Variants in DIAPH3 observed in about 807,000 individuals in gnomAD.
The protein encoded by DIAPH3 is protein diaphanous homolog 3.
DIAPH3 carries 117 observed loss-of-function variants against 144.3 expected under a neutral mutation model. The ratio of observed to expected loss-of-function variants is 0.81; its 90% CI spans 0.70 to 0.95. The LOEUF (loss-of-function observed/expected upper bound fraction) is 0.95. Ranked by LOEUF, DIAPH3 falls within the 40% of genes least tolerant of loss-of-function variation. The probability of loss-of-function intolerance (pLI) is 0.00; values close to 1 mark genes in which losing one functional copy is unlikely to be tolerated. For missense variants in DIAPH3, 1,421 were observed against 1,412.7 expected, an observed-to-expected ratio of 1.01 and a Z score of -0.09; for synonymous variants, 519 against 488.9, an observed-to-expected ratio of 1.06 and a Z score of -0.81.
intron 20 of DIAPH3, among the ~76,000 whole-genome samples, chr13:59,884,900 A>C (rs1408543013): frequency 6.6e-6 from 1 of 152,150 alleles, no homozygotes; most frequent in Non-Finnish European, 1.5e-5. Flanking sequence ...AAAGTTATTT[A>C]AGAAAACTAT....
chr13:59,693,417 T>C (rs1288248099), intron 27 of DIAPH3, among the ~76,000 whole-genome samples: 1 of 152,214 alleles, frequency 6.6e-6, no homozygotes, highest in Non-Finnish European at 1.5e-5. Flanking sequence ...CTTTGTCTGA[T>C]TCTGATTGTC....
chr13:59,924,600 T>C (rs1334720774), intron 18 of DIAPH3, among the ~76,000 whole-genome samples, 175 bp downstream of exon 18: 1 of 151,966 alleles, frequency 6.6e-6, no homozygotes, highest in Non-Finnish European at 1.5e-5. Context: ...TATGCACTTA[T>C]CTTTTGAAGC....
chr13:59,909,363 T>C (rs2046885390), intron 20 of DIAPH3, among the ~76,000 whole-genome samples: 1 of 150,530 alleles, frequency 6.6e-6, no homozygotes, highest in Non-Finnish European at 1.5e-5. Context: ...TTTTGGTTAA[T>C]TATCAAGGAT....
chr13:59,956,323 G>A lies in DIAPH3; in HGVS notation c.2074+13621C>T, dbSNP rs1566570059. 9.2e-5 allele frequency among the ~76,000 whole-genome samples: 14 copies of A among 152,318 alleles called. No homozygotes were observed. The South Asian group carries it at 2.9e-3, about 32-fold the overall frequency. ...AAAATGATTTCGTAGGCGGGCCAGG[G>A]CCTTGCTGCTTTATGCAGTCTCGGG... On this transcript the variant is annotated intron_variant, in intron 17 of 27. Transcript: ENST00000400324.
At chr13:59,714,290 G>A (rs999114115) in intron 27 of DIAPH3, among the ~76,000 whole-genome samples, 2 of 149,804 alleles carry the variant, frequency 1.3e-5, no homozygotes, top group African/African-American at 2.4e-5. Flanking sequence ...AACCCGGGAG[G>A]CGGAGCTTGC....
intron 21 of DIAPH3, among the ~76,000 whole-genome samples, chr13:59,863,047 G>T (rs1421489918): frequency 6.6e-6 from 1 of 152,074 alleles, no homozygotes; most frequent in African/African-American, 2.4e-5. Context: ...AGAGGTTACG[G>T]GCTTGAGACG....
intron 4 of DIAPH3, among the ~76,000 whole-genome samples, chr13:60,044,616 C>G (rs1303627629): frequency 6.6e-6 from 1 of 152,082 alleles, no homozygotes; most frequent in African/African-American, 2.4e-5. Context: ...CACAGAAAAG[C>G]AACAGGAACA....
intron 27 of DIAPH3, among the ~76,000 whole-genome samples, chr13:59,753,538 C>T (rs1301037962): frequency 2.0e-5 from 3 of 152,152 alleles, no homozygotes; most frequent in African/African-American, 4.8e-5. Flanking sequence ...GATATCCTCT[C>T]GTGACACTGC....
At chr13:60,047,185 G>A (rs1241733193) in intron 4 of DIAPH3, among the ~76,000 whole-genome samples, 1 of 151,456 alleles carries the variant, frequency 6.6e-6, no homozygotes, top group Non-Finnish European at 1.5e-5. Context: ...TGGAAACTGA[G>A]GACAACCTAC....
At position 59,666,628 on chromosome 13, in the gene DIAPH3, C is replaced by A. The variant is rs779651490; in HGVS notation, c.3538G>T (p.Val1180Phe). The A allele has an allele frequency of 6.2e-7, 1 of 1,613,986 alleles. No individual in the cohort carries two copies. Among genetic ancestry groups the A allele is most frequent in the African/African-American group, 1.3e-5 (1 of 74,902 alleles). The change falls in exon 28 of 28, where the codon GTT becomes TTT. Residue 1180 changes from valine to phenylalanine, a missense_variant. By Grantham distance (50) the Val-to-Phe change is conservative. Transcript: ENST00000400324. ...LLGSFSKNES[V>F]PEVEALLARL... Reference sequence around the variant, plus strand: ...GCCAGCAGGGCTTCAACTTCGGGAACTGATTCATTTTTAGAAAAAGAGCCA... The same window carrying A: ...GCCAGCAGGGCTTCAACTTCGGGAAATGATTCATTTTTAGAAAAAGAGCCA...
chr13:60,046,024 T>C (rs2056044834), intron 4 of DIAPH3, among the ~76,000 whole-genome samples: 1 of 152,238 alleles, frequency 6.6e-6, no homozygotes, highest in Non-Finnish European at 1.5e-5. Flanking sequence ...TTTCTAAATA[T>C]TCATTATTAC....
At chr13:60,128,499 G>A (rs1337679335) in intron 2 of DIAPH3, among the ~76,000 whole-genome samples, 1 of 152,224 alleles carries the variant, frequency 6.6e-6, no homozygotes, top group African/African-American at 2.4e-5. Flanking sequence ...AATTATAAAT[G>A]CACGGTTTAC....
intron 14 of DIAPH3, among the ~76,000 whole-genome samples, chr13:59,979,566 A>G (rs537395629): frequency 1.2e-3 from 183 of 151,800 alleles, no homozygotes; most frequent in African/African-American, 4.1e-3. Context: ...AAGGCGTGGG[A>G]AATAACAACC....
At chr13:60,109,824 G>T (rs758356557) in intron 3 of DIAPH3, among the ~76,000 whole-genome samples, 1 of 152,104 alleles carries the variant, frequency 6.6e-6, no homozygotes, top group Non-Finnish European at 1.5e-5. Flanking sequence ...CACTGAAATT[G>T]ACTTCAGAAA....
At chr13:59,861,730 T>C (rs1437036698) in intron 21 of DIAPH3, among the ~76,000 whole-genome samples, 194 bp from the exon 22 acceptor site, 1 of 152,158 alleles carries the variant, frequency 6.6e-6, no homozygotes, top group Non-Finnish European at 1.5e-5. Context: ...AAATCATTAT[T>C]TGTCGCAAAA....
chr13:59,750,074 T>C (rs559380147), intron 27 of DIAPH3, among the ~76,000 whole-genome samples: 4 of 152,130 alleles, frequency 2.6e-5, no homozygotes, highest in African/African-American at 7.2e-5. Flanking sequence ...TTGTTATTAC[T>C]GATTTTGACT....
intron 17 of DIAPH3, among the ~76,000 whole-genome samples, chr13:59,943,191 T>C (rs2048626367): frequency 1.3e-5 from 2 of 152,348 alleles, no homozygotes; most frequent in South Asian, 4.1e-4. Context: ...TGGCAGTTTA[T>C]TTCTTAATGT....
intron 21 of DIAPH3, among the ~76,000 whole-genome samples, chr13:59,877,322 T>A (rs1258932333): frequency 6.6e-6 from 1 of 152,072 alleles, no homozygotes; most frequent in Non-Finnish European, 1.5e-5. Context: ...CATACCATCT[T>A]TCCTATTACC....
rs1328038553 is a variant in DIAPH3, at chr13:59,911,722, A to G, written c.2367+13T>C. The G allele has an allele frequency of 1.2e-6, 2 of 1,601,370 alleles. No individual in the cohort carries two copies. Among genetic ancestry groups the G allele is most frequent in the Non-Finnish European group, 1.7e-6 (2 of 1,168,746 alleles). ...GCACAGTATAAAAATCCTCTCTGAGACTCGGTACTTACCACAACCACAAAC... is the reference window on the plus strand; with the variant it reads ...GCACAGTATAAAAATCCTCTCTGAGGCTCGGTACTTACCACAACCACAAAC... On this transcript the variant is annotated intron_variant, in intron 20 of 27. Transcript: ENST00000400324.
Sources: allele counts gnomAD v4.1 joint callset (sites outside exome capture counted in the v4.1 genomes callset), GRCh38; gene constraint gnomAD v4.1.1; transcripts MANE v1.5; gene names NCBI Gene and HGNC (gene_info 2026-07-23, HGNC 2026-07-21).